Variants in FGF1 observed in about 807,000 individuals in gnomAD.
FGF1 encodes the protein fibroblast growth factor 1.
A neutral mutation model predicts 13.4 loss-of-function variants in FGF1; 9 were observed. The ratio of observed to expected loss-of-function variants is 0.67; its 90% CI spans 0.40 to 1.17. FGF1 has a LOEUF of 1.17. FGF1 is among the 50% of genes most tolerant of loss of function. The probability of loss-of-function intolerance (pLI) is 0.01; values close to 1 mark genes in which losing one functional copy is unlikely to be tolerated. For synonymous variants in FGF1, 93 were observed against 79.0 expected (o/e 1.18, Z -0.94); for missense variants, 156 against 192.7 (o/e 0.81, Z 1.13).
intron 1 of FGF1, among the ~76,000 whole-genome samples, chr5:142,659,486 C>T (rs1768788502): frequency 6.6e-6 from 1 of 152,106 alleles, no homozygotes; most frequent in African/African-American, 2.4e-5. Flanking sequence ...TTCAGCCTCC[C>T]AAAGTATTAC....
chr5:142,605,273 GTTTTTTTTTT>G (rs768402598), intron 2 of FGF1, among the ~76,000 whole-genome samples: 1 of 123,246 alleles, frequency 8.1e-6, no homozygotes, highest in Non-Finnish European at 1.7e-5. Flanking sequence ...TGCCTGGCTA[GTTTTTTTTTT>G]TTTTTTTTTG....
chr5:142,669,100 G>T (rs189461647), intron 1 of FGF1, among the ~76,000 whole-genome samples: 73 of 152,350 alleles, frequency 4.8e-4, no homozygotes, highest in Non-Finnish European at 7.5e-4. Context: ...GACACACAGG[G>T]TTAGTGCAAG....
intron 1 of FGF1, among the ~76,000 whole-genome samples, chr5:142,661,970 A>C (rs553028624): frequency 6.6e-6 from 1 of 152,252 alleles, no homozygotes; most frequent in East Asian, 1.9e-4. Context: ...ACTGCACTCC[A>C]GCCTGGGCGA....
At chr5:142,637,086 A>G (rs1764378897) in intron 1 of FGF1, among the ~76,000 whole-genome samples, 1 of 152,000 alleles carries the variant, frequency 6.6e-6, no homozygotes, top group African/African-American at 2.4e-5. Context: ...TGCTGTGTCC[A>G]CTGCTCACAG....
chr5:142,643,147 A>G (rs891440303), intron 1 of FGF1, among the ~76,000 whole-genome samples: 4 of 152,200 alleles, frequency 2.6e-5, no homozygotes, highest in African/African-American at 9.6e-5. Flanking sequence ...TGTACTGCCT[A>G]TCAACAGATT....
chr5:142,614,194 C>A lies in FGF1; in HGVS notation c.-34-33G>T, dbSNP rs1188697546. ...AAATTGAACAAACCTGTAGTCGGTT[C>A]TTCCAGCAAAGGCACAAAATGCACT... On this transcript the variant is annotated intron_variant, in intron 1 of 3. Coordinates refer to ENST00000337706, the MANE Select transcript of FGF1 (RefSeq NM_000800.5). 23 of 1,566,748 alleles carry A rather than the reference C, an allele frequency of 1.5e-5. No homozygotes were observed. The Admixed American group carries it at 4.0e-4, about 27-fold the overall frequency.
At chr5:142,696,583 T>C (rs938294505) in intron 2 of FGF1, among the ~76,000 whole-genome samples, 2 of 152,166 alleles carry the variant, frequency 1.3e-5, no homozygotes, top group Non-Finnish European at 1.5e-5. Context: ...CCATGTGGCC[T>C]TCACAATGGG....
chr5:142,642,875 GT>G (rs1301435676), intron 1 of FGF1, among the ~76,000 whole-genome samples: 1 of 151,976 alleles, frequency 6.6e-6, no homozygotes. Context: ...CTGCTCTTCT[GT>G]TTTTTTTGTG....
At chr5:142,648,902 T>C (rs1766691532) in intron 1 of FGF1, among the ~76,000 whole-genome samples, 1 of 152,040 alleles carries the variant, frequency 6.6e-6, no homozygotes, top group South Asian at 2.1e-4. Flanking sequence ...GGATGAGATG[T>C]ATGTGCTTAT....
chr5:142,661,683 A>C (rs1769245448), intron 1 of FGF1, among the ~76,000 whole-genome samples: 1 of 152,172 alleles, frequency 6.6e-6, no homozygotes, highest in Non-Finnish European at 1.5e-5. Context: ...AACCTTGAAC[A>C]CATTATATTA....
At chr5:142,647,515 C>T (rs1766383695) in intron 1 of FGF1, among the ~76,000 whole-genome samples, 1 of 152,286 alleles carries the variant, frequency 6.6e-6, no homozygotes. Context: ...CTTAATTTGT[C>T]TTTTGTCAGT....
At chr5:142,639,982 C>T (rs1296794890) in intron 1 of FGF1, among the ~76,000 whole-genome samples, 2 of 151,932 alleles carry the variant, frequency 1.3e-5, no homozygotes, top group African/African-American at 4.9e-5. Flanking sequence ...TGCATGCTGG[C>T]TCAAGTCTCT....
chr5:142,592,485 A>G lies in FGF1; in HGVS notation c.*2805T>C, dbSNP rs538886886. ...CAATACCTACCTCCACCACCATCAC[A>G]TTGCAAACGACCAAAAGCACATATG... On this transcript the variant is annotated 3_prime_UTR_variant, in exon 4 of 4. Transcript: ENST00000337706. 1.4e-4 allele frequency: 54 copies of G among 398,472 alleles called. No individual in the cohort carries two copies. The highest frequency in any genetic ancestry group is 1.1e-3 in the African/African-American group (52 of 48,742). 24.7% of individuals were successfully genotyped at this position (398,472 alleles called of 1,614,324 possible).
chr5:142,621,284 C>A (rs1199052438), intron 1 of FGF1: 1 of 152,194 alleles, frequency 6.6e-6, no homozygotes, highest in Admixed American at 6.5e-5. Context: ...TCCCCCTACA[C>A]CCTCATACTC....
chr5:142,676,109 A>G (rs186975679), intron 1 of FGF1, among the ~76,000 whole-genome samples: 258 of 152,328 alleles, frequency 1.7e-3, no homozygotes, highest in African/African-American at 5.1e-3. Flanking sequence ...TAAAAGGCAC[A>G]GGATAATAAT....
intron 2 of FGF1, among the ~76,000 whole-genome samples, chr5:142,693,848 C>T (rs1752635330): frequency 6.6e-6 from 1 of 152,144 alleles, no homozygotes. Flanking sequence ...AACATATCAA[C>T]ATTTCTTTCC....
At chr5:142,615,458 G>A (rs17217191) in intron 1 of FGF1, among the ~76,000 whole-genome samples, 5 of 152,182 alleles carry the variant, frequency 3.3e-5, no homozygotes, top group Admixed American at 3.3e-4. Context: ...TCATGACCTC[G>A]TGATCCGCCT....
intron 3 of FGF1, among the ~76,000 whole-genome samples, chr5:142,597,376 G>T (rs191051806): frequency 1.3e-5 from 2 of 152,288 alleles, no homozygotes; most frequent in East Asian, 3.9e-4. Flanking sequence ...GATTGGTTAA[G>T]TGGGTAAAAG....
At chr5:142,628,859 G>A (rs895703642) in intron 1 of FGF1, among the ~76,000 whole-genome samples, 5 of 152,158 alleles carry the variant, frequency 3.3e-5, no homozygotes, top group East Asian at 1.9e-4. Flanking sequence ...CTTGCTTCTC[G>A]GAGCTGCCAT....
Sources: gnomAD v4.1 joint callset for allele counts (sites outside exome capture counted in the v4.1 genomes callset) on GRCh38, gnomAD v4.1.1 for gene constraint, MANE v1.5 for transcripts, NCBI Gene and HGNC (gene_info 2026-07-23, HGNC 2026-07-21) for gene names.